Variants in CAND2 observed in about 807,000 individuals in gnomAD.
CAND2 encodes the protein cullin-associated NEDD8-dissociated protein 2.
CAND2 carries 62 observed loss-of-function variants against 98.9 expected under a neutral mutation model. The ratio of observed to expected loss-of-function variants is 0.63; its 90% CI spans 0.51 to 0.77. The LOEUF (loss-of-function observed/expected upper bound fraction) is 0.77, where lower values mean the gene tolerates loss of function less well. Among genes scored for constraint, CAND2 ranks in the 30% least tolerant of loss-of-function variants. The pLI is 0.00. For synonymous variants in CAND2, 770 were observed against 731.9 expected (o/e 1.05, Z -0.84); for missense variants, 1,501 against 1,655.2 (o/e 0.91, Z 1.62).
intron 11 of CAND2, among the ~76,000 whole-genome samples, chr3:12,824,588 G>C (rs759482453): frequency 1.3e-5 from 2 of 152,174 alleles, no homozygotes; most frequent in Non-Finnish European, 2.9e-5. Context: ...GTTTCAACAT[G>C]AGTTTTGGTG....
chr3:12,802,609 C>T (rs1228066890), intron 1 of CAND2, among the ~76,000 whole-genome samples: 19 of 152,242 alleles, frequency 1.2e-4, no homozygotes, highest in Admixed American at 1.1e-3. Context: ...CATGCTGAGC[C>T]GTTGCTAGTC....
chr3:12,831,640 T>TAAGGG, intron 14 of CAND2, 68 bp downstream of exon 14: 2 of 961,460 alleles, frequency 2.1e-6, no homozygotes, highest in Non-Finnish European at 3.1e-6. Context: ...AGTCGTTCAG[T>TAAGGG]TACCCTTACT....
At chr3:12,828,458 C>T (rs1471190528) in intron 13 of CAND2, among the ~76,000 whole-genome samples, 1 of 151,740 alleles carries the variant, frequency 6.6e-6, no homozygotes, top group South Asian at 2.1e-4. Flanking sequence ...CTGCCTCAGC[C>T]TCCCAAGTAG....
intron 5 of CAND2, 68 bp from the exon 6 acceptor site, chr3:12,812,922 G>C: frequency 1.1e-6 from 1 of 944,290 alleles, no homozygotes; most frequent in Non-Finnish European, 1.7e-6. Flanking sequence ...GACAGTCTGA[G>C]TGCTGTGGGC....
chr3:12,823,284 G>GT (rs11398514), intron 11 of CAND2, among the ~76,000 whole-genome samples: 106,094 of 151,428 alleles, frequency 0.7, 37,774 homozygotes, highest in African/African-American at 0.82. Flanking sequence ...TACAGTTTTT[G>GT]TTGGTTTGTT....
intron 2 of CAND2, among the ~76,000 whole-genome samples, chr3:12,804,940 A>G (rs964407206): frequency 6.6e-6 from 1 of 152,214 alleles, no homozygotes; most frequent in African/African-American, 2.4e-5. Context: ...GTCATGGAGT[A>G]GACTTAGGAT....
chr3:12,826,611 G>A (rs2124869992), intron 12 of CAND2, among the ~76,000 whole-genome samples: 1 of 151,942 alleles, frequency 6.6e-6, no homozygotes, highest in South Asian at 2.1e-4. Flanking sequence ...GTATTTTTTT[G>A]TAGAGATGCG....
In CAND2 at chr3:12,833,741, G is replaced by A; in HGVS notation, c.3484-14G>A. On this transcript the variant is annotated splice_polypyrimidine_tract_variant and intron_variant, in intron 14 of 14. Transcript: ENST00000456430. Reference sequence around the variant, plus strand: ...TCAATAAAGGATGGCTGCTTCTGCTGTTTCCTACTTTAGGTCAAAGCTGGT... The same window carrying A: ...TCAATAAAGGATGGCTGCTTCTGCTATTTCCTACTTTAGGTCAAAGCTGGT... The A allele has an allele frequency of 6.2e-7, 1 of 1,608,990 alleles. No homozygotes were observed. Among genetic ancestry groups the A allele is most frequent in the Non-Finnish European group, 8.5e-7 (1 of 1,175,434 alleles).
intron 1 of CAND2, 88 bp downstream of exon 1, chr3:12,796,876 T>C: frequency 9.7e-7 from 1 of 1,030,588 alleles, no homozygotes; most frequent in Non-Finnish European, 1.5e-6. Context: ...CCATCCCCCA[T>C]GACCATGCAG....
chr3:12,812,051 G>C (rs1353480967), intron 5 of CAND2, among the ~76,000 whole-genome samples: 3 of 151,238 alleles, frequency 2.0e-5, no homozygotes, highest in Non-Finnish European at 2.9e-5. Context: ...TGGGATTACA[G>C]GGGCGCACTG....
chr3:12,828,259 T>C (rs1232519077), intron 13 of CAND2, among the ~76,000 whole-genome samples: 1 of 151,982 alleles, frequency 6.6e-6, no homozygotes, highest in East Asian at 1.9e-4. Flanking sequence ...ACATATATGA[T>C]AGAAATCATT....
At chr3:12,804,100 G>T (rs1232182790) in intron 2 of CAND2, among the ~76,000 whole-genome samples, 2 of 152,122 alleles carry the variant, frequency 1.3e-5, no homozygotes, top group Non-Finnish European at 2.9e-5. Context: ...CCTCCAGCCA[G>T]AGAAAGCCCT....
At position 12,816,534 on chromosome 3, in the gene CAND2, C is replaced by T; in HGVS notation, c.1602C>T (p.Phe534=). Reference sequence around the variant, plus strand: ...TGATGGCCTGTGTGGCTGACTCTTTCTACAAGATTGCAGCCGAGGCCCTGG... The same window carrying T: ...TGATGGCCTGTGTGGCTGACTCTTTTTACAAGATTGCAGCCGAGGCCCTGG... ...PPVMACVADS[F]YKIAAEALVV... is the part of the protein sequence containing the mutation. Residue 534 remains phenylalanine (F), a synonymous_variant, in exon 10 of 15, where the codon TTC becomes TTT. Transcript: ENST00000456430. 6.2e-7 allele frequency: 1 copy of T among 1,614,038 alleles called. No homozygotes were observed. The highest frequency in any genetic ancestry group is 1.1e-5 in the South Asian group (1 of 91,084).
At chr3:12,826,620 C>T (rs1255907335) in intron 12 of CAND2, among the ~76,000 whole-genome samples, 17 of 151,782 alleles carry the variant, frequency 1.1e-4, no homozygotes, top group Admixed American at 6.6e-5. Context: ...TGTAGAGATG[C>T]GGTTTTGCCA....
At chr3:12,807,273 G>A (rs1442359736) in intron 2 of CAND2, 33 bp from the exon 3 acceptor site, 3 of 1,544,940 alleles carry the variant, frequency 1.9e-6, no homozygotes, top group Non-Finnish European at 2.6e-6. Context: ...TGAACCTTGT[G>A]CCCTTGGATT....
chr3:12,800,731 G>A (rs546054099), intron 1 of CAND2, among the ~76,000 whole-genome samples: 32 of 152,002 alleles, frequency 2.1e-4, no homozygotes, highest in Non-Finnish European at 4.0e-4. Flanking sequence ...TTTTGTTTTT[G>A]TTTTTGTTTT....
At chr3:12,833,683 A>G in intron 14 of CAND2, 72 bp from the exon 15 acceptor site, 1 of 1,225,710 alleles carries the variant, frequency 8.2e-7, no homozygotes. Context: ...AGGAAGCCAA[A>G]GACCAGTGAG....
At chr3:12,803,421 G>A in intron 1 of CAND2, 67 bp from the exon 2 acceptor site, 1 of 1,471,248 alleles carries the variant, frequency 6.8e-7, no homozygotes, top group Non-Finnish European at 9.1e-7. Flanking sequence ...GGGGAACCCT[G>A]AGGTACTGCC....
Position 12,799,183 on chromosome 3 carries a change from G to A in CAND2, c.68+2395G>A, listed in dbSNP as rs1250620410. On this transcript the variant is annotated intron_variant, in intron 1 of 14. Transcript: ENST00000456430. Reference sequence around the variant, plus strand: ...GCTGTTACCGTAGGCAGTTTGTGCAGCCTCCCTGAGCCTAGTTTTCTTACT... The same window carrying A: ...GCTGTTACCGTAGGCAGTTTGTGCAACCTCCCTGAGCCTAGTTTTCTTACT... Among the ~76,000 whole-genome samples, 3 of 152,310 alleles carry A rather than the reference G, an allele frequency of 2.0e-5. No individual in the cohort carries two copies. The East Asian group carries it at 5.8e-4, about 29-fold the overall frequency.
Sources: gnomAD v4.1 joint callset for allele counts (sites outside exome capture counted in the v4.1 genomes callset) on GRCh38, gnomAD v4.1.1 for gene constraint, MANE v1.5 for transcripts, NCBI Gene and HGNC (gene_info 2026-07-23, HGNC 2026-07-21) for gene names.